The following KCNQ5 variants were observed in gnomAD, a reference collection of about 807,000 sequenced individuals.
The protein encoded by KCNQ5 is potassium voltage-gated channel subfamily Q member 5.
A neutral mutation model predicts 98.2 loss-of-function variants in KCNQ5; 30 were observed. That is an observed-to-expected ratio of 0.31 (90% CI 0.23 to 0.41). The LOEUF is 0.41. KCNQ5 is among the 10% of genes least tolerant of loss of function. The pLI, the probability that KCNQ5 is intolerant of heterozygous loss-of-function variation, is 1.00. For missense variants in KCNQ5, 835 were observed against 1,182.5 expected, an observed-to-expected ratio of 0.71 and a Z score of 4.31; for synonymous variants, 458 against 449.4, an observed-to-expected ratio of 1.02 and a Z score of -0.24.
chr6:73,043,632 A>G (rs1420488416), intron 3 of KCNQ5, among the ~76,000 whole-genome samples: 2 of 152,224 alleles, frequency 1.3e-5, no homozygotes, highest in Non-Finnish European at 2.9e-5. Context: ...AAAACAATTC[A>G]CAAGGCAGAT....
chr6:72,845,818 T>C (rs1338304036), intron 1 of KCNQ5, among the ~76,000 whole-genome samples: 3 of 152,176 alleles, frequency 2.0e-5, no homozygotes, highest in Non-Finnish European at 4.4e-5. Flanking sequence ...AAATTAGAAA[T>C]GTTGGTAGCA....
At chr6:72,897,410 C>T (rs1274975664) in intron 1 of KCNQ5, among the ~76,000 whole-genome samples, 1 of 152,026 alleles carries the variant, frequency 6.6e-6, no homozygotes, top group African/African-American at 2.4e-5. Flanking sequence ...GGCATGGTGG[C>T]ACACGCTTGT....
At chr6:72,954,842 C>T (rs1014159612) in intron 1 of KCNQ5, among the ~76,000 whole-genome samples, 37 of 152,160 alleles carry the variant, frequency 2.4e-4, no homozygotes, top group African/African-American at 8.7e-4. Flanking sequence ...AAAAGAAGGG[C>T]AAGCCTCACT....
At chr6:72,908,020 A>AC (rs1194229924) in intron 1 of KCNQ5, among the ~76,000 whole-genome samples, 1 of 152,164 alleles carries the variant, frequency 6.6e-6, no homozygotes, top group African/African-American at 2.4e-5. Context: ...ATGAACCATG[A>AC]CAATAATTAT....
At chr6:72,996,576 G>T (rs148899138) in intron 1 of KCNQ5, among the ~76,000 whole-genome samples, 1 of 152,316 alleles carries the variant, frequency 6.6e-6, no homozygotes, top group East Asian at 1.9e-4. Context: ...CAGGCCCTGT[G>T]GTGTGGTAGG....
intron 1 of KCNQ5, among the ~76,000 whole-genome samples, chr6:72,832,507 T>A (rs1776323967): frequency 6.6e-6 from 1 of 152,240 alleles, no homozygotes; most frequent in South Asian, 2.1e-4. Context: ...CAACAAAGGA[T>A]TCTCTGGCCC....
intron 1 of KCNQ5, among the ~76,000 whole-genome samples, chr6:72,857,422 C>T (rs1228635195): frequency 1.3e-5 from 2 of 152,086 alleles, no homozygotes; most frequent in Non-Finnish European, 2.9e-5. Flanking sequence ...CAGGCATTTT[C>T]ATGGTCCCAT....
chr6:73,075,059 ACT>A (rs1465190524), intron 3 of KCNQ5, among the ~76,000 whole-genome samples: 3 of 152,110 alleles, frequency 2.0e-5, no homozygotes, highest in Non-Finnish European at 4.4e-5. Flanking sequence ...TTTGCACATA[ACT>A]CTTTTTATAA....
chr6:72,980,184 T>C (rs993559306), intron 1 of KCNQ5, among the ~76,000 whole-genome samples: 5 of 152,206 alleles, frequency 3.3e-5, no homozygotes, highest in Non-Finnish European at 5.9e-5. Flanking sequence ...CCATATGAAC[T>C]TTAAAGTAGT....
chr6:72,876,943 T>A (rs898209323), intron 1 of KCNQ5, among the ~76,000 whole-genome samples: 13 of 152,196 alleles, frequency 8.5e-5, no homozygotes, highest in Admixed American at 5.2e-4. Context: ...GGATGGGACC[T>A]TCCTCACACT....
At chr6:73,140,090 C>T (rs1776642492) in intron 10 of KCNQ5, among the ~76,000 whole-genome samples, 1 of 152,164 alleles carries the variant, frequency 6.6e-6, no homozygotes, top group South Asian at 2.1e-4. Flanking sequence ...GACAAAAAGG[C>T]AGCATTTTAA....
chr6:72,891,042 T>C (rs1779038091), intron 1 of KCNQ5, among the ~76,000 whole-genome samples: 1 of 152,234 alleles, frequency 6.6e-6, no homozygotes, highest in Non-Finnish European at 1.5e-5. Context: ...TGTTAGGCAA[T>C]TTCAAGAGCC....
At chr6:73,055,089 C>T in intron 3 of KCNQ5, 1 of 715,546 alleles carries the variant, frequency 1.4e-6, no homozygotes, top group Non-Finnish European at 2.6e-6. Flanking sequence ...TCCCCCAAGC[C>T]TGCCACCATG....
intron 1 of KCNQ5, among the ~76,000 whole-genome samples, chr6:72,971,031 G>A (rs1276528948): frequency 6.6e-6 from 1 of 152,244 alleles, no homozygotes; most frequent in Non-Finnish European, 1.5e-5. Flanking sequence ...CTTCTGCACA[G>A]CAAAAGAAAC....
chr6:72,831,354 A>T (rs1776258451), intron 1 of KCNQ5, among the ~76,000 whole-genome samples: 1 of 152,208 alleles, frequency 6.6e-6, no homozygotes, highest in Admixed American at 6.5e-5. Context: ...GATAGACTGG[A>T]TTAAGAAAAT....
At chr6:72,750,411 A>G (rs1582219676) in intron 1 of KCNQ5, among the ~76,000 whole-genome samples, 2 of 152,108 alleles carry the variant, frequency 1.3e-5, no homozygotes, top group African/African-American at 4.8e-5. Context: ...AGGACTACTT[A>G]AAGTTTACTT....
chr6:72,884,114 T>G (rs866509474), intron 1 of KCNQ5, among the ~76,000 whole-genome samples: 9 of 152,226 alleles, frequency 5.9e-5, no homozygotes, highest in Admixed American at 1.3e-4. Context: ...TTTAAAAACC[T>G]GATACATATC....
At chr6:73,094,575 G>T (rs1395010124) in intron 5 of KCNQ5, among the ~76,000 whole-genome samples, 1 of 152,130 alleles carries the variant, frequency 6.6e-6, no homozygotes, top group Non-Finnish European at 1.5e-5. Flanking sequence ...TTTGTTTCGA[G>T]ATTTAGAGCT....
At chr6:72,835,706 G>A (rs1776475438) in intron 1 of KCNQ5, among the ~76,000 whole-genome samples, 1 of 152,160 alleles carries the variant, frequency 6.6e-6, no homozygotes, top group South Asian at 2.1e-4. Context: ...ACACTGAGGT[G>A]TAGAGAGATT....
Sources: allele counts gnomAD v4.1 joint callset (sites outside exome capture counted in the v4.1 genomes callset), GRCh38; gene constraint gnomAD v4.1.1; transcripts MANE v1.5; gene names NCBI Gene and HGNC (gene_info 2026-07-23, HGNC 2026-07-21).